The following UPP2 variants were observed in gnomAD, a reference collection of about 807,000 sequenced individuals.
UPP2 encodes UPase 2.
In UPP2, 23 loss-of-function variants were observed where a neutral mutation model predicts 26.7. The observed-to-expected ratio is 0.86, with a 90% confidence interval of 0.62 to 1.22. The LOEUF is 1.22. Ranked by LOEUF, UPP2 falls within the 50% of genes most tolerant of loss-of-function variation. The pLI is 0.00. For synonymous variants in UPP2, 127 were observed against 141.3 expected (o/e 0.90, Z 0.72); for missense variants, 387 against 396.7 (o/e 0.98, Z 0.21).
intron 3 of UPP2, among the ~76,000 whole-genome samples, chr2:158,081,656 C>T (rs1682729463): frequency 6.6e-6 from 1 of 152,080 alleles, no homozygotes; most frequent in East Asian, 1.9e-4. Flanking sequence ...GAAATCCTGT[C>T]ATTTGCAACA....
chr2:158,059,430 T>C (rs953054425), intron 3 of UPP2, among the ~76,000 whole-genome samples: 3 of 152,256 alleles, frequency 2.0e-5, no homozygotes, highest in Non-Finnish European at 4.4e-5. Flanking sequence ...AACTGGGCTC[T>C]TGTCTTTAAA....
intron 3 of UPP2, among the ~76,000 whole-genome samples, chr2:158,021,339 T>C (rs1683747830): frequency 6.6e-6 from 1 of 152,366 alleles, no homozygotes; most frequent in Non-Finnish European, 1.5e-5. Flanking sequence ...GGATTGGTTT[T>C]GGATGCTGGT....
chr2:157,995,449 T>C (rs1040083593), intron 2 of UPP2, among the ~76,000 whole-genome samples: 4 of 152,206 alleles, frequency 2.6e-5, no homozygotes, highest in African/African-American at 4.8e-5. Context: ...TTTTTAGAGC[T>C]AGGCCCACTG....
chr2:158,002,291 G>A (rs1470170709), intron 2 of UPP2, among the ~76,000 whole-genome samples: 2 of 152,200 alleles, frequency 1.3e-5, no homozygotes, highest in Admixed American at 6.5e-5. Context: ...CGTGCAACTC[G>A]AAGCCAGAGG....
At chr2:158,010,933 T>C (rs1336647185) in intron 2 of UPP2, among the ~76,000 whole-genome samples, 2 of 151,976 alleles carry the variant, frequency 1.3e-5, no homozygotes, top group Non-Finnish European at 2.9e-5. Context: ...GCCCAGCTGA[T>C]TTTTGTATTT....
chr2:158,135,904 AT>A lies in UPP2; in HGVS notation c.*1015del, dbSNP rs1683923164. 1.3e-5 allele frequency: 2 copies of A among 152,204 alleles called. No homozygotes were observed. The highest frequency in any genetic ancestry group is 6.6e-5 in the Admixed American group (1 of 15,266). The allele number at this position is 152,204 out of a possible 1,614,324, so 9.4% of individuals were successfully genotyped here. On this transcript the variant is annotated 3_prime_UTR_variant, in exon 7 of 7. Transcript: ENST00000005756. ...AGGATGACTGGCACACTTGTATAGTATGTAATGTTGTGTACATATTATTTAT... is the reference window on the plus strand; with the variant it reads ...AGGATGACTGGCACACTTGTATAGTAGTAATGTTGTGTACATATTATTTAT...
intron 3 of UPP2, among the ~76,000 whole-genome samples, chr2:158,040,555 CT>C (rs1021631105): frequency 1.3e-5 from 2 of 152,186 alleles, no homozygotes; most frequent in Non-Finnish European, 1.5e-5. Context: ...TGCTGTGGTA[CT>C]TTTGGCAAAT....
At chr2:158,031,282 C>T (rs118014082) in intron 3 of UPP2, among the ~76,000 whole-genome samples, 19 of 152,244 alleles carry the variant, frequency 1.2e-4, no homozygotes, top group East Asian at 1.2e-3. Flanking sequence ...AATTCACTCA[C>T]GTAAGGTCCT....
At chr2:158,060,083 C>T (rs761488984) in intron 3 of UPP2, among the ~76,000 whole-genome samples, 14 of 152,022 alleles carry the variant, frequency 9.2e-5, no homozygotes, top group South Asian at 4.1e-4. Context: ...TGTGTGTGTG[C>T]GTGCATGCAT....
chr2:158,078,834 A>T (rs1345903342), intron 3 of UPP2, among the ~76,000 whole-genome samples: 3 of 152,084 alleles, frequency 2.0e-5, no homozygotes, highest in African/African-American at 7.2e-5. Context: ...TACCCCGTTT[A>T]CCCTGATGTG....
intron 3 of UPP2, among the ~76,000 whole-genome samples, chr2:158,092,395 A>C (rs1026553861): frequency 1.3e-5 from 2 of 152,222 alleles, no homozygotes; most frequent in African/African-American, 4.8e-5. Flanking sequence ...GATGAAAACA[A>C]ACTTTTCATC....
intron 6 of UPP2, among the ~76,000 whole-genome samples, chr2:158,130,692 A>G (rs1177348274): frequency 6.6e-6 from 1 of 152,216 alleles, no homozygotes; most frequent in African/African-American, 2.4e-5. Flanking sequence ...ACTGGGGTCC[A>G]GGTATGTATA....
At position 158,110,977 on chromosome 2, in the gene UPP2, A is replaced by C. The variant is rs1683307439; in HGVS notation, c.181-4124A>C. 2.0e-5 allele frequency among the ~76,000 whole-genome samples: 3 copies of C among 152,238 alleles called. No individual in the cohort carries two copies. The South Asian group carries it at 6.2e-4, about 32-fold the overall frequency. ...GAGGTTGCCTGTTCACTCTGATGGT[A>C]GTTTCTTTTGCTGTGCAGAAGCTCT... On this transcript the variant is annotated intron_variant, in intron 2 of 6. Transcript: ENST00000005756.
chr2:158,026,785 GA>G (rs1225296841), intron 3 of UPP2, among the ~76,000 whole-genome samples: 1 of 152,154 alleles, frequency 6.6e-6, no homozygotes, highest in Non-Finnish European at 1.5e-5. Context: ...AAACTGGGAA[GA>G]AAAAGAGGTT....
At chr2:157,999,604 CACCACATAATAACG>C (rs1683374927) in intron 2 of UPP2, among the ~76,000 whole-genome samples, 1 of 152,130 alleles carries the variant, frequency 6.6e-6, no homozygotes, top group African/African-American at 2.4e-5. Flanking sequence ...TATAGTCATT[CACCACATAATAACG>C]TTTTGGCCAA....
chr2:158,117,171 C>T (rs1251525874), intron 3 of UPP2, among the ~76,000 whole-genome samples: 1 of 151,954 alleles, frequency 6.6e-6, no homozygotes, highest in Non-Finnish European at 1.5e-5. Context: ...CCAGGAGTTG[C>T]TAAATCCTGT....
chr2:158,103,749 A>G (rs1383821723), intron 1 of UPP2, among the ~76,000 whole-genome samples: 1 of 152,214 alleles, frequency 6.6e-6, no homozygotes, highest in Non-Finnish European at 1.5e-5. Context: ...TTGATTCAGC[A>G]GGTATGGGGT....
In UPP2 at chr2:158,115,178, A is replaced by T. The variant is rs1204261158; in HGVS notation, c.258A>T (p.Glu86Asp). 3 of 1,613,792 alleles carry T rather than the reference A, an allele frequency of 1.9e-6. No homozygotes were observed. Among genetic ancestry groups the T allele is most frequent in the Non-Finnish European group, 2.5e-6 (3 of 1,179,906 alleles). ...LFMHKELGFE[E>D]AEEDIKDICA... The stretch of plus-strand genomic sequence containing the variant: ...TGCACAAGGAGCTCGGGTTTGAGGA[A>T]GCTGAAGAAGACATAAAAGACATCT... The change falls in exon 3 of 7, where the codon GAA becomes GAT. Residue 86 changes from glutamate to aspartate, a missense_variant. Transcript: ENST00000005756.
chr2:158,091,075 G>A (rs1243704018), intron 3 of UPP2, among the ~76,000 whole-genome samples: 1 of 152,200 alleles, frequency 6.6e-6, no homozygotes, highest in African/African-American at 2.4e-5. Context: ...CGCGTCACTT[G>A]TGTTTGTAGA....
Sources: gnomAD v4.1 joint callset for allele counts (sites outside exome capture counted in the v4.1 genomes callset) on GRCh38, gnomAD v4.1.1 for gene constraint, MANE v1.5 for transcripts, NCBI Gene and HGNC (gene_info 2026-07-23, HGNC 2026-07-21) for gene names.